CLIP1: variants seen among roughly 807,000 people sequenced by gnomAD.
The protein encoded by CLIP1 is CAP-Gly domain-containing linker protein 1.
In CLIP1, 66 loss-of-function variants were observed where a neutral mutation model predicts 161.6. The observed-to-expected ratio is 0.41, with a 90% CI of 0.33 to 0.50. The LOEUF is 0.50. Among genes scored for constraint, CLIP1 ranks in the 20% least tolerant of loss-of-function variants. CLIP1 has a pLI of 0.27. For synonymous variants in CLIP1, 598 were observed against 626.2 expected (o/e 0.96, Z 0.67); for missense variants, 1,376 against 1,702.0 (o/e 0.81, Z 3.37).
chr12:122,379,755 C>A (rs143739253), intron 2 of CLIP1, among the ~76,000 whole-genome samples: 1,976 of 150,762 alleles, frequency 0.013, 42 homozygotes, highest in African/African-American at 0.04. Flanking sequence ...ACCAGCCTGG[C>A]CAACATGGTG....
chr12:122,292,264 A>C (rs1380666843), intron 20 of CLIP1, among the ~76,000 whole-genome samples: 1 of 151,918 alleles, frequency 6.6e-6, no homozygotes, highest in East Asian at 1.9e-4. Context: ...TGGCCTCCCA[A>C]AGTACTGGGA....
At chr12:122,407,433 C>A (rs1020515832) in intron 1 of CLIP1, among the ~76,000 whole-genome samples, 2 of 152,038 alleles carry the variant, frequency 1.3e-5, no homozygotes, top group Non-Finnish European at 2.9e-5. Context: ...ACCTCCCCAG[C>A]CAAGGTGGTT....
chr12:122,371,780 C>A (rs1954464473), intron 3 of CLIP1, among the ~76,000 whole-genome samples: 1 of 152,132 alleles, frequency 6.6e-6, no homozygotes, highest in Non-Finnish European at 1.5e-5. Flanking sequence ...AACTGGGGAA[C>A]CCTCTCAAAA....
intron 20 of CLIP1, among the ~76,000 whole-genome samples, chr12:122,294,496 C>T (rs1950392190): frequency 6.6e-6 from 1 of 152,082 alleles, no homozygotes; most frequent in African/African-American, 2.4e-5. Context: ...GGCACAGTGG[C>T]TCACACCTGT....
chr12:122,314,480 C>T (rs887758630), intron 19 of CLIP1, among the ~76,000 whole-genome samples: 3 of 151,980 alleles, frequency 2.0e-5, no homozygotes, highest in Admixed American at 6.6e-5. Context: ...AACAAACAAA[C>T]AAATAAAAAC....
intron 20 of CLIP1, among the ~76,000 whole-genome samples, chr12:122,309,065 A>G (rs1243785550): frequency 2.0e-5 from 3 of 152,256 alleles, no homozygotes; most frequent in Non-Finnish European, 4.4e-5. Context: ...CTCACAATTC[A>G]GCACTTTGAT....
Position 122,394,654 on chromosome 12 carries a change from G to A in CLIP1, c.-106-14096C>T, listed in dbSNP as rs181907332. Among the ~76,000 whole-genome samples, 189 of 151,904 alleles carry A rather than the reference G, an allele frequency of 1.2e-3. 1 individual carries two copies. The highest frequency in any genetic ancestry group is 3.4e-3 in the Middle Eastern group (1 of 294). On this transcript the variant is annotated intron_variant, in intron 1 of 25. Coordinates refer to ENST00000620786, the MANE Select transcript of CLIP1 (RefSeq NM_001247997.2). ...TGTAATCCCAGCATTTTGGGAGGCC[G>A]AGGTGGACGGATCACGAGATCAGGA... is the stretch of plus-strand genomic sequence containing the variant.
chr12:122,327,070 G>A (rs1038750881), intron 17 of CLIP1, among the ~76,000 whole-genome samples: 3 of 152,100 alleles, frequency 2.0e-5, no homozygotes, highest in Non-Finnish European at 2.9e-5. Context: ...AATAAAGAAA[G>A]GTGAATATTT....
chr12:122,352,993 T>TAA (rs1953121467), intron 7 of CLIP1, among the ~76,000 whole-genome samples: 5 of 142,756 alleles, frequency 3.5e-5, no homozygotes, highest in Non-Finnish European at 6.0e-5. Context: ...GTCCTTATAT[T>TAA]TAAAAAAAAA....
intron 21 of CLIP1, among the ~76,000 whole-genome samples, chr12:122,284,996 G>A (rs969145891): frequency 3.9e-5 from 6 of 151,988 alleles, no homozygotes; most frequent in African/African-American, 1.2e-4. Context: ...CTAGAGTACA[G>A]CAGCTCTTCT....
At position 122,421,978 on chromosome 12, in the gene CLIP1, T is replaced by C. The variant is rs940511445; in HGVS notation, c.-107+543A>G. ...CGGTCTCCGAGAATCACAGCCCCAC[T>C]TGAGAGGAAAACAAAAGCCGGGGCA... is the stretch of plus-strand genomic sequence containing the variant. On this transcript the variant is annotated intron_variant, in intron 1 of 25. Coordinates refer to ENST00000620786, the MANE Select transcript of CLIP1 (RefSeq NM_001247997.2). Among the ~76,000 whole-genome samples the C allele has an allele frequency of 5.3e-5, 8 of 152,062 alleles. No individual in the cohort carries two copies. The South Asian group carries it at 1.7e-3, about 32-fold the overall frequency.
chr12:122,296,931 A>G (rs1282881025), intron 20 of CLIP1, among the ~76,000 whole-genome samples: 1 of 151,856 alleles, frequency 6.6e-6, no homozygotes, highest in Non-Finnish European at 1.5e-5. Context: ...TACAGCGTAG[A>G]CGAGTGGCCA....
At chr12:122,385,444 A>C (rs941736298) in intron 1 of CLIP1, among the ~76,000 whole-genome samples, 2 of 152,034 alleles carry the variant, frequency 1.3e-5, no homozygotes, top group African/African-American at 4.8e-5. Flanking sequence ...GCTTTCTTAC[A>C]CTCCCAGGGG....
chr12:122,282,631 T>C (rs1475738171), intron 21 of CLIP1, among the ~76,000 whole-genome samples: 1 of 151,652 alleles, frequency 6.6e-6, no homozygotes, highest in Admixed American at 6.6e-5. Context: ...CTTTGCTGTA[T>C]ATAGATATAA....
At chr12:122,412,718 G>C (rs1225807805) in intron 1 of CLIP1, among the ~76,000 whole-genome samples, 1 of 152,074 alleles carries the variant, frequency 6.6e-6, no homozygotes, top group Non-Finnish European at 1.5e-5. Flanking sequence ...CTGGGCAGTA[G>C]CATCATGGAT....
At position 122,329,404 on chromosome 12, in the gene CLIP1, G is replaced by A. The variant is rs185538653; in HGVS notation, c.2868-978C>T. 3.8e-3 allele frequency among the ~76,000 whole-genome samples: 572 copies of A among 152,092 alleles called. 2 individuals carry two copies. Among genetic ancestry groups the A allele is most frequent in the African/African-American group, 0.013 (547 of 41,490 alleles). ...AGCACTTTGGGAGGCCGATGGGGGG[G>A]CGGATCACGAGGTTAGGAGATTAAG... On this transcript the variant is annotated intron_variant, in intron 15 of 25. Coordinates refer to ENST00000620786, the MANE Select transcript of CLIP1 (RefSeq NM_001247997.2).
intron 9 of CLIP1, among the ~76,000 whole-genome samples, chr12:122,349,212 GGAAAAA>G (rs1196611361): frequency 6.6e-6 from 1 of 152,140 alleles, no homozygotes; most frequent in Non-Finnish European, 1.5e-5. Context: ...TACAGTAGTA[GGAAAAA>G]GAAAAGGCAA....
At chr12:122,295,208 A>G (rs1221818677) in intron 20 of CLIP1, among the ~76,000 whole-genome samples, 1 of 151,942 alleles carries the variant, frequency 6.6e-6, no homozygotes, top group East Asian at 1.9e-4. Flanking sequence ...CATCTCTACT[A>G]AAAACACAAA....
rs1426526590 is a variant in CLIP1 at position 122,361,018 on chromosome 12, G to C, written c.946C>G (p.Leu316Val). Reference sequence around the variant, plus strand: ...GAGGCCACTGAGCTCATGGAGCTGAGGGAAGAGGCAGAAGGGCTGCGCTTC... The same window carrying C: ...GAGGCCACTGAGCTCATGGAGCTGACGGAAGAGGCAGAAGGGCTGCGCTTC... The part of the protein sequence containing the change: ...SLKRSPSASS[L>V]SSMSSVASSV... Residue 316 changes from leucine (L) to valine (V), a missense_variant, in exon 5 of 26, where the codon CTC becomes GTC. This residue lies in a region of CLIP1 where 211 missense variants were observed against 295.1 expected (regional missense o/e 0.72). Transcript: ENST00000620786. The C allele has an allele frequency of 6.2e-7, 1 of 1,614,188 alleles. No individual in the cohort carries two copies. The highest frequency in any genetic ancestry group is 1.7e-5 in the Admixed American group (1 of 60,022).
Sources: gnomAD v4.1 joint callset for allele counts (sites outside exome capture counted in the v4.1 genomes callset) on GRCh38, gnomAD v4.1.1 for gene constraint, gnomAD v4.1.1 regional missense constraint, MANE v1.5 for transcripts, NCBI Gene and HGNC (gene_info 2026-07-23, HGNC 2026-07-21) for gene names.